Variants in PIGN observed in about 807,000 individuals in gnomAD.
PIGN encodes the protein GPI ethanolamine phosphate transferase 1.
A neutral mutation model predicts 125.4 loss-of-function variants in PIGN; 117 were observed. The ratio of observed to expected loss-of-function variants is 0.93; its 90% CI spans 0.80 to 1.09. PIGN has a LOEUF of 1.09. Among genes scored for constraint, PIGN ranks in the 50% least tolerant of loss-of-function variants. The pLI, the probability that PIGN is intolerant of heterozygous loss-of-function variation, is 0.00. For missense variants in PIGN, 1,075 were observed against 1,094.9 expected, an observed-to-expected ratio of 0.98 and a Z score of 0.26; for synonymous variants, 392 against 377.8, an observed-to-expected ratio of 1.04 and a Z score of -0.44.
At chr18:62,088,223 C>T (rs1319058877) in intron 25 of PIGN, among the ~76,000 whole-genome samples, 3 of 152,144 alleles carry the variant, frequency 2.0e-5, no homozygotes, top group Non-Finnish European at 4.4e-5. Context: ...TGATTTCTTG[C>T]AGCTAGTCAG....
At chr18:62,066,569 T>C (rs1450373367) in intron 30 of PIGN, among the ~76,000 whole-genome samples, 1 of 152,236 alleles carries the variant, frequency 6.6e-6, no homozygotes, top group Non-Finnish European at 1.5e-5. Context: ...GCTTCTATCT[T>C]ACTTTGCCTT....
chr18:62,059,565 T>C (rs2031989200), intron 30 of PIGN, among the ~76,000 whole-genome samples: 1 of 152,236 alleles, frequency 6.6e-6, no homozygotes, highest in African/African-American at 2.4e-5. Context: ...CTACATATTG[T>C]ATTTTTCTGT....
intron 23 of PIGN, among the ~76,000 whole-genome samples, chr18:62,018,738 G>A (rs1178229830): frequency 2.6e-5 from 4 of 152,118 alleles, no homozygotes; most frequent in East Asian, 1.9e-4. Flanking sequence ...TGGCAAGCCC[G>A]AGGTTCAATT....
chr18:62,146,884 T>TAATC, intron 9 of PIGN, 87 bp downstream of exon 9: 1 of 1,377,404 alleles, frequency 7.3e-7, no homozygotes, highest in Non-Finnish European at 1.0e-6. Context: ...GCAAGACATC[T>TAATC]AATCCTCTCA....
intron 16 of PIGN, 86 bp downstream of exon 16, chr18:62,113,048 C>T: frequency 4.1e-6 from 4 of 976,680 alleles, no homozygotes; most frequent in Non-Finnish European, 6.0e-6. Context: ...AGAACAATGA[C>T]TTGCACATCC....
At chr18:62,162,140 A>G (rs1216093189) in intron 3 of PIGN, 113 bp downstream of exon 3, 1 of 152,208 alleles carries the variant, frequency 6.6e-6, no homozygotes, top group South Asian at 2.1e-4. Flanking sequence ...GGGGTACTAT[A>G]AAGAATATCG....
intron 30 of PIGN, among the ~76,000 whole-genome samples, chr18:62,047,640 C>A (rs1041516627): frequency 2.0e-5 from 3 of 152,150 alleles, no homozygotes; most frequent in Non-Finnish European, 4.4e-5. Context: ...CAAGGGGAAC[C>A]TGGATTTCTA....
intron 7 of PIGN, among the ~76,000 whole-genome samples, chr18:62,151,395 AAC>A (rs2036530697): frequency 6.6e-6 from 1 of 152,194 alleles, no homozygotes; most frequent in Non-Finnish European, 1.5e-5. Flanking sequence ...AGAGAGATGC[AAC>A]TTCTCAGGTA....
intron 28 of PIGN, among the ~76,000 whole-genome samples, chr18:62,080,568 C>T (rs562223400): frequency 1.3e-4 from 20 of 152,286 alleles, no homozygotes; most frequent in African/African-American, 4.6e-4. Context: ...AAAGGAGAAT[C>T]GGCTGACATA....
rs182881232 is a variant in PIGN, at chr18:62,035,538, T to G, written c.2143-17797A>C. Among the ~76,000 whole-genome samples, 8 of 152,308 alleles carry G rather than the reference T, an allele frequency of 5.3e-5. No homozygotes were observed. In the East Asian group the frequency reaches 1.4e-3, roughly 26 times the overall value. On this transcript the variant is annotated intron_variant, in intron 23 of 24. Coordinates refer to the PIGN transcript ENST00000639600. ...AACTTATTACTTTTTTATCTTTTTT[T>G]TATTGTACTTTAAGTTCTAGGGTAC... is the stretch of plus-strand genomic sequence containing the variant.
At chr18:62,125,714 A>G (rs1417765558) in intron 14 of PIGN, among the ~76,000 whole-genome samples, 1 of 152,114 alleles carries the variant, frequency 6.6e-6, no homozygotes, top group Non-Finnish European at 1.5e-5. Context: ...GGAAAAAAGT[A>G]TGTCTAACTT....
intron 30 of PIGN, among the ~76,000 whole-genome samples, chr18:62,055,202 G>A (rs1316719028): frequency 6.6e-6 from 1 of 152,184 alleles, no homozygotes; most frequent in Non-Finnish European, 1.5e-5. Context: ...TCACAAGAAT[G>A]TTTATAGGAT....
Position 62,145,900 on chromosome 18 carries a change from T to C in PIGN, c.922+9A>G, listed in dbSNP as rs753295521. ...TTGTATTTATAAACCAGTAAAGAAA[T>C]GCTTGTACCTTTCAAAAATGCATCA... On this transcript the variant is annotated intron_variant, in intron 10 of 30. Coordinates refer to ENST00000640252, the MANE Select transcript of PIGN (RefSeq NM_176787.5). The C allele has an allele frequency of 1.9e-5, 26 of 1,337,946 alleles. No individual in the cohort carries two copies. Among genetic ancestry groups the C allele is most frequent in the South Asian group, 1.8e-4 (15 of 84,356 alleles). The allele number at this position is 1,337,946 out of a possible 1,614,324, so 82.9% of individuals were successfully genotyped here.
At chr18:62,123,100 C>T (rs895162786) in intron 14 of PIGN, among the ~76,000 whole-genome samples, 1 of 152,076 alleles carries the variant, frequency 6.6e-6, no homozygotes, top group Non-Finnish European at 1.5e-5. Context: ...ATTAGCCAAG[C>T]ATGGTGTTGC....
intron 17 of PIGN, among the ~76,000 whole-genome samples, chr18:62,109,457 CTT>C (rs1463222397): frequency 2.0e-5 from 3 of 152,138 alleles, no homozygotes; most frequent in African/African-American, 7.2e-5. Context: ...ATGCAAATAT[CTT>C]TGTCAAATAT....
intron 7 of PIGN, among the ~76,000 whole-genome samples, chr18:62,152,827 T>C (rs750913802): frequency 2.0e-5 from 3 of 151,714 alleles, no homozygotes; most frequent in African/African-American, 4.9e-5. Context: ...TTAAAATGCT[T>C]AAGACAGTAA....
intron 14 of PIGN, among the ~76,000 whole-genome samples, chr18:62,131,722 T>C (rs1280351360): frequency 1.3e-5 from 2 of 152,210 alleles, no homozygotes; most frequent in Non-Finnish European, 2.9e-5. Context: ...TTTACAAGCC[T>C]AAGATAAAGA....
chr18:62,131,815 C>T (rs1213633119), intron 14 of PIGN, among the ~76,000 whole-genome samples: 1 of 152,086 alleles, frequency 6.6e-6, no homozygotes, highest in Admixed American at 6.6e-5. Context: ...TCACCAATTA[C>T]TCATAACTAT....
intron 22 of PIGN, 22 bp from the exon 23 acceptor site, chr18:62,095,972 C>T (rs1004700278): frequency 2.3e-5 from 34 of 1,472,874 alleles, no homozygotes; most frequent in Non-Finnish European, 3.1e-5. Flanking sequence ...CAGAACAGGT[C>T]ATCTGTCAGT....
Sources: gnomAD v4.1 joint callset for allele counts (sites outside exome capture counted in the v4.1 genomes callset) on GRCh38, gnomAD v4.1.1 for gene constraint, MANE v1.5 for transcripts, NCBI Gene and HGNC (gene_info 2026-07-23, HGNC 2026-07-21) for gene names.